The following DDX60L variants were observed in gnomAD, a reference collection of about 807,000 sequenced individuals.
The protein encoded by DDX60L is probable ATP-dependent RNA helicase DDX60-like.
Under a neutral mutation model 211.6 loss-of-function variants are expected in DDX60L, and 191 were observed. That is an observed-to-expected ratio of 0.90 (90% CI 0.80 to 1.02). The LOEUF (loss-of-function observed/expected upper bound fraction) is 1.02, where lower values mean the gene tolerates loss of function less well. Among genes scored for constraint, DDX60L ranks in the 50% least tolerant of loss-of-function variants. The pLI, the probability that DDX60L is intolerant of heterozygous loss-of-function variation, is 0.00. For missense variants in DDX60L, 2,007 were observed against 1,984.1 expected (o/e 1.01, Z -0.22); for synonymous variants, 706 against 694.1 (o/e 1.02, Z -0.27).
intron 32 of DDX60L, 87 bp downstream of exon 32, chr4:168,379,276 G>T: frequency 8.5e-7 from 1 of 1,179,938 alleles, no homozygotes; most frequent in Non-Finnish European, 1.2e-6. Context: ...ATGAGAAGGA[G>T]GAAGAAGAGA....
intron 36 of DDX60L, among the ~76,000 whole-genome samples, chr4:168,368,213 A>T (rs1339939883): frequency 1.3e-5 from 2 of 152,204 alleles, no homozygotes; most frequent in Non-Finnish European, 2.9e-5. Context: ...TTCATGGGCC[A>T]GGCCCAGGGT....
chr4:168,358,320 T>C, intron 37 of DDX60L, 44 bp from the exon 38 acceptor site: 1 of 1,346,900 alleles, frequency 7.4e-7, no homozygotes, highest in Non-Finnish European at 9.9e-7. Context: ...GAGCCCACAT[T>C]TTTATAACAA....
rs575134138 is a variant in DDX60L, at chr4:168,413,742, T to C, written c.2979+1666A>G. On this transcript the variant is annotated intron_variant, in intron 22 of 37. Coordinates refer to ENST00000682922, the MANE Select transcript of DDX60L (RefSeq NM_001012967.3). ...AAGCATTCCTGTAAGATATAGAAAA[T>C]AGCCTCAAAAGGGCAAATCTAAGAT... Among the ~76,000 whole-genome samples, 10 of 151,828 alleles carry C rather than the reference T, an allele frequency of 6.6e-5. No individual in the cohort carries two copies. The South Asian group carries it at 2.1e-3, about 32-fold the overall frequency.
At chr4:168,477,889 G>T (rs1759806225) in intron 1 of DDX60L, among the ~76,000 whole-genome samples, 1 of 152,200 alleles carries the variant, frequency 6.6e-6, no homozygotes, top group Non-Finnish European at 1.5e-5. Context: ...ATGGGAAAGA[G>T]AAATGTCTTA....
chr4:168,442,582 A>T (rs1263318696), intron 9 of DDX60L, among the ~76,000 whole-genome samples: 1 of 152,102 alleles, frequency 6.6e-6, no homozygotes, highest in Admixed American at 6.5e-5. Context: ...CAGGGCACAG[A>T]CAAAGAAAAA....
At chr4:168,476,069 C>T (rs749942296) in intron 1 of DDX60L, 3 of 152,098 alleles carry the variant, frequency 2.0e-5, no homozygotes, top group Admixed American at 2.0e-4. Flanking sequence ...AAATAAATTT[C>T]TGTTGTTTAA....
chr4:168,397,594 A>G (rs1746028614), intron 26 of DDX60L, among the ~76,000 whole-genome samples: 1 of 152,186 alleles, frequency 6.6e-6, no homozygotes, highest in Non-Finnish European at 1.5e-5. Flanking sequence ...TGTGTGCTAC[A>G]TAGATTCAGA....
rs1337083527 is a variant in DDX60L at position 168,379,440 on chromosome 4, T to C, written c.4286A>G (p.His1429Arg). ...FAGLASYLHG[H>R]EPSNLVFVNF... ...TACAAAAACAAGATTTGAAGGTTCA[T>C]GACCATGCAAATATGATGCAAGTCC... The change falls in exon 32 of 38, where the codon CAT becomes CGT. Residue 1429 changes from histidine to arginine, a missense_variant. By Grantham distance (29) the His-to-Arg change is conservative. Transcript: ENST00000682922. 3 of 1,603,546 alleles carry C rather than the reference T, an allele frequency of 1.9e-6. No individual in the cohort carries two copies. The highest frequency in any genetic ancestry group is 1.7e-5 in the Admixed American group (1 of 57,188).
At position 168,461,821 on chromosome 4, in the gene DDX60L, T is replaced by C. The variant is rs1256208480; in HGVS notation, c.484A>G (p.Ile162Val). 5.0e-6 allele frequency: 8 copies of C among 1,607,386 alleles called. No homozygotes were observed. In the Admixed American group the frequency reaches 5.1e-5, roughly 10 times the overall value. The change falls in exon 5 of 38, where the codon ATC becomes GTC. Residue 162 changes from isoleucine (I) to valine (V), a missense_variant. Coordinates refer to ENST00000682922, the MANE Select transcript of DDX60L (RefSeq NM_001012967.3). ...DLQTYLFNFL[I>V]IHSWGMKVNV... is the part of the protein sequence containing the mutation. ...ACTTTCATTCCCCAGGAATGTATGA[T>C]TAGGAAGTTAAAAAGGTACGTTTGT...
At chr4:168,472,007 A>G (rs1758851245) in intron 3 of DDX60L, 71 bp from the exon 4 acceptor site, 1 of 1,264,442 alleles carries the variant, frequency 7.9e-7, no homozygotes, top group Admixed American at 2.4e-5. Context: ...TGTTGTTACT[A>G]TTATTGCATA....
At chr4:168,408,777 A>G (rs1748188674) in intron 22 of DDX60L, among the ~76,000 whole-genome samples, 1 of 152,180 alleles carries the variant, frequency 6.6e-6, no homozygotes, top group Non-Finnish European at 1.5e-5. Flanking sequence ...CATAATTTGT[A>G]GGAAGGCTGT....
At chr4:168,442,875 G>C (rs1204453308) in intron 9 of DDX60L, among the ~76,000 whole-genome samples, 135 of 151,552 alleles carry the variant, frequency 8.9e-4, no homozygotes, top group African/African-American at 3.1e-3. Flanking sequence ...AAACCCATCT[G>C]TACATCACCA....
Position 168,419,317 on chromosome 4 carries a change from A to G in DDX60L, c.2595T>C (p.Tyr865=), listed in dbSNP as rs749547415. 6 of 1,596,040 alleles carry G rather than the reference A, an allele frequency of 3.8e-6. No homozygotes were observed. In the South Asian group the frequency reaches 6.8e-5, roughly 18 times the overall value. Residue 865 remains tyrosine, a synonymous_variant, in exon 19 of 38, where the codon TAT becomes TAC. Coordinates refer to ENST00000682922, the MANE Select transcript of DDX60L (RefSeq NM_001012967.3). Reference sequence around the variant, plus strand: ...CCAAACCTACCTCATCAAATATAACATATCTGATCCTTTCCACCCATTTTT... The same window carrying G: ...CCAAACCTACCTCATCAAATATAACGTATCTGATCCTTTCCACCCATTTTT... The part of the protein sequence containing the change: ...HRQKWVERIR[Y]VIFDEVHYLG...
At chr4:168,410,883 G>A (rs1030283045) in intron 22 of DDX60L, among the ~76,000 whole-genome samples, 5 of 152,174 alleles carry the variant, frequency 3.3e-5, no homozygotes, top group African/African-American at 1.2e-4. Flanking sequence ...TGGCAGCACT[G>A]TTAGTCACAG....
rs780766286 is a variant in DDX60L, at chr4:168,395,996, T to C, written c.3620A>G (p.Lys1207Arg). Residue 1207 changes from lysine (K) to arginine (R), a missense_variant, in exon 27 of 38, where the codon AAA (lysine) becomes AGA (arginine). Coordinates refer to ENST00000682922, the MANE Select transcript of DDX60L (RefSeq NM_001012967.3). ...ISEDCTYADVKALHTEITRNK... is the reference protein window; with the variant it reads ...ISEDCTYADVRALHTEITRNK... ...CCTGGTAATTTCAGTGTGTAGGGCT[T>C]TGACATCAGCATACGTGCAGTCCTC... 10 of 1,611,026 alleles carry C rather than the reference T, an allele frequency of 6.2e-6. No individual in the cohort carries two copies. In the South Asian group the frequency reaches 9.9e-5, roughly 16 times the overall value.
At chr4:168,365,287 GAA>G (rs1204385812) in intron 36 of DDX60L, among the ~76,000 whole-genome samples, 2 of 151,740 alleles carry the variant, frequency 1.3e-5, no homozygotes, top group Non-Finnish European at 2.9e-5. Flanking sequence ...GCTAGACTAA[GAA>G]AAAAGAGGGA....
At chr4:168,466,892 C>T (rs1371089368) in intron 4 of DDX60L, among the ~76,000 whole-genome samples, 1 of 152,048 alleles carries the variant, frequency 6.6e-6, no homozygotes, top group Non-Finnish European at 1.5e-5. Flanking sequence ...AGACAGCTGC[C>T]AATTCACAAA....
chr4:168,388,944 G>A (rs763723343), intron 29 of DDX60L, among the ~76,000 whole-genome samples: 1 of 152,206 alleles, frequency 6.6e-6, no homozygotes, highest in Non-Finnish European at 1.5e-5. Flanking sequence ...AGCAATCCCA[G>A]GAGTATGCCA....
chr4:168,429,589 T>C (rs2149929714), intron 13 of DDX60L, among the ~76,000 whole-genome samples: 1 of 152,354 alleles, frequency 6.6e-6, no homozygotes, highest in East Asian at 1.9e-4. Context: ...GTAATCTTCT[T>C]AGGATTTCTA....
Sources: gnomAD v4.1 joint callset for allele counts (sites outside exome capture counted in the v4.1 genomes callset) on GRCh38, gnomAD v4.1.1 for gene constraint, MANE v1.5 for transcripts, NCBI Gene and HGNC (gene_info 2026-07-23, HGNC 2026-07-21) for gene names.